Variants in TMEM272 observed in about 807,000 individuals in gnomAD.
TMEM272 encodes long intergenic non-protein coding RNA 282.
TMEM272 carries 8 observed loss-of-function variants against 3.7 expected under a neutral mutation model. That is an observed-to-expected ratio of 2.17 (90% CI 1.27 to 3.91). The LOEUF (loss-of-function observed/expected upper bound fraction) is 3.91, where lower values mean the gene tolerates loss of function less well. Ranked by LOEUF, TMEM272 falls within the 30% of genes most tolerant of loss-of-function variation. The probability of loss-of-function intolerance (pLI) is 0.00; values close to 1 mark genes in which losing one functional copy is unlikely to be tolerated. For missense variants in TMEM272, 166 were observed against 91.5 expected (o/e 1.81, Z -3.32); for synonymous variants, 63 against 39.8 (o/e 1.58, Z -2.20).
the TMEM272 span, among the ~76,000 whole-genome samples, chr13:51,891,830 G>C: frequency 6.6e-6 from 1 of 152,174 alleles, no homozygotes; most frequent in Non-Finnish European, 1.5e-5. Context: ...GGGTGAGCTT[G>C]ATCAGGATTG....
At chr13:51,922,032 C>T in the TMEM272 span, among the ~76,000 whole-genome samples, 3 of 152,298 alleles carry the variant, frequency 2.0e-5, no homozygotes, top group East Asian at 1.9e-4. Context: ...CAAGACTTAA[C>T]GTCTTTGTTT....
At chr13:51,855,420 C>T in the TMEM272 span, among the ~76,000 whole-genome samples, 7 of 151,596 alleles carry the variant, frequency 4.6e-5, no homozygotes, top group Non-Finnish European at 1.0e-4. Flanking sequence ...AATAACAAGC[C>T]GTATAAGAAA....
chr13:51,865,218 C>T, the TMEM272 span: 1 of 574,982 alleles, frequency 1.7e-6, no homozygotes, highest in Admixed American at 3.3e-5. Flanking sequence ...TCACAAACAC[C>T]ACCATGTGGA....
At chr13:51,873,758 C>T in the TMEM272 span, among the ~76,000 whole-genome samples, 1 of 152,200 alleles carries the variant, frequency 6.6e-6, no homozygotes, top group African/African-American at 2.4e-5. Flanking sequence ...CCTTTCCTGA[C>T]CTCGCGATCC....
the TMEM272 span, among the ~76,000 whole-genome samples, chr13:51,889,155 A>G: frequency 3.3e-5 from 5 of 152,182 alleles, no homozygotes; most frequent in African/African-American, 1.2e-4. Flanking sequence ...CTTAGCAATA[A>G]ATTTCTGGGT....
At chr13:51,872,909 A>G in the TMEM272 span, among the ~76,000 whole-genome samples, 8 of 152,222 alleles carry the variant, frequency 5.3e-5, no homozygotes, top group African/African-American at 1.7e-4. Flanking sequence ...TGAGATCTCA[A>G]TTCACACGAA....
chr13:51,852,012 A>G, the TMEM272 span, among the ~76,000 whole-genome samples: 1 of 152,226 alleles, frequency 6.6e-6, no homozygotes, highest in Non-Finnish European at 1.5e-5. Flanking sequence ...AAATTTCTAG[A>G]CATGGAATTG....
chr13:51,821,150 C>T (rs1315920808), intron 4 of TMEM272, among the ~76,000 whole-genome samples: 4 of 152,210 alleles, frequency 2.6e-5, no homozygotes, highest in Admixed American at 6.5e-5. Context: ...ACACTGGGTC[C>T]GAATGAGAGT....
the TMEM272 span, among the ~76,000 whole-genome samples, chr13:51,898,374 A>G: frequency 6.6e-6 from 1 of 152,034 alleles, no homozygotes; most frequent in Non-Finnish European, 1.5e-5. Context: ...ATATTGTTCT[A>G]TATCTACATG....
the TMEM272 span, among the ~76,000 whole-genome samples, chr13:51,899,212 C>T: frequency 6.6e-6 from 1 of 152,054 alleles, no homozygotes; most frequent in East Asian, 1.9e-4. Flanking sequence ...TTTCTATATA[C>T]TAGCGATGAA....
chr13:51,840,008 G>A (rs1162700585), intron 1 of TMEM272, among the ~76,000 whole-genome samples: 4 of 152,274 alleles, frequency 2.6e-5, no homozygotes, highest in South Asian at 2.1e-4. Context: ...TATCACCAGC[G>A]CCCTGCCAAG....
the TMEM272 span, among the ~76,000 whole-genome samples, chr13:51,887,499 C>T: frequency 6.6e-6 from 1 of 152,146 alleles, no homozygotes; most frequent in South Asian, 2.1e-4. Context: ...AAAATGAAGA[C>T]CATCTTTCTA....
At chr13:51,911,883 T>C in the TMEM272 span, among the ~76,000 whole-genome samples, 1 of 151,980 alleles carries the variant, frequency 6.6e-6, no homozygotes, top group African/African-American at 2.4e-5. Context: ...CTCCCACTGC[T>C]CTGCTTCTGC....
intron 2 of TMEM272, among the ~76,000 whole-genome samples, chr13:51,832,628 G>A (rs1487650871): frequency 1.3e-5 from 2 of 151,940 alleles, no homozygotes; most frequent in African/African-American, 4.8e-5. Context: ...GCCCTCTCCT[G>A]GTATGTTCAG....
the TMEM272 span, among the ~76,000 whole-genome samples, chr13:51,917,387 G>A: frequency 6.6e-6 from 1 of 152,158 alleles, no homozygotes; most frequent in African/African-American, 2.4e-5. Flanking sequence ...AAGAGGGAGA[G>A]AGCAGAAGCA....
At chr13:51,839,361 C>G (rs1345103061) in intron 1 of TMEM272, among the ~76,000 whole-genome samples, 2 of 152,168 alleles carry the variant, frequency 1.3e-5, no homozygotes, top group African/African-American at 4.8e-5. Flanking sequence ...GGAAGGGAGT[C>G]ACTTTGTTCC....
chr13:51,862,778 G>A, the TMEM272 span, among the ~76,000 whole-genome samples: 1 of 152,042 alleles, frequency 6.6e-6, no homozygotes, highest in African/African-American at 2.4e-5. Context: ...AGTGAGGGAG[G>A]ACTTCACATA....
the TMEM272 span, among the ~76,000 whole-genome samples, chr13:51,884,831 A>G: frequency 6.6e-6 from 1 of 152,248 alleles, no homozygotes; most frequent in African/African-American, 2.4e-5. Flanking sequence ...CACTTAGGAC[A>G]TCACCTGGAA....
At chr13:51,899,877 A>G in the TMEM272 span, among the ~76,000 whole-genome samples, 11 of 152,354 alleles carry the variant, frequency 7.2e-5, no homozygotes, top group Admixed American at 2.0e-4. Context: ...TGATTTAGAC[A>G]AGCCTAGGCA....
Sources: gnomAD v4.1 joint callset for allele counts (sites outside exome capture counted in the v4.1 genomes callset) on GRCh38, gnomAD v4.1.1 for gene constraint, MANE v1.5 for transcripts, NCBI Gene and HGNC (gene_info 2026-07-23, HGNC 2026-07-21) for gene names.